Variants in IL17RE observed in about 807,000 individuals in gnomAD.
The protein encoded by IL17RE is interleukin-17 receptor E.
In IL17RE, 47 loss-of-function variants were observed where a neutral mutation model predicts 70.7. The observed-to-expected ratio is 0.67, with a 90% CI of 0.53 to 0.85. The LOEUF is 0.85. IL17RE is among the 40% of genes least tolerant of loss of function. The pLI is 0.00. For synonymous variants in IL17RE, 372 were observed against 381.2 expected (o/e 0.98, Z 0.28); for missense variants, 850 against 893.9 (o/e 0.95, Z 0.63).
In IL17RE at chr3:9,902,903, G is replaced by A. The variant is rs778821433; in HGVS notation, c.-30G>A. The stretch of plus-strand genomic sequence containing the variant: ...ACCCACCTTCAGGCCATGCAGCCAT[G>A]TTCCGGGAGCCCTAATTGCACAGAA... On this transcript the variant is annotated 5_prime_UTR_variant, in exon 1 of 16. It removes an upstream start codon present in the reference 5' UTR. Transcript: ENST00000383814. The A allele has an allele frequency of 6.2e-7, 1 of 1,614,206 alleles. No individual in the cohort carries two copies. The highest frequency in any genetic ancestry group is 1.1e-5 in the South Asian group (1 of 91,086).
In IL17RE at chr3:9,906,436, G is replaced by T; in HGVS notation, c.341G>T (p.Arg114Ile). 6.2e-7 allele frequency: 1 copy of T among 1,613,544 alleles called. No individual in the cohort carries two copies. Among genetic ancestry groups the T allele is most frequent in the South Asian group, 1.1e-5 (1 of 91,050 alleles). Residue 114 changes from arginine to isoleucine, a missense_variant, in exon 4 of 16, where the codon AGA (arginine) becomes ATA (isoleucine). Coordinates refer to ENST00000383814, the MANE Select transcript of IL17RE (RefSeq NM_153480.2). ...KKSSTFKFYR[R>I]HKMPAPAQRK... is the part of the protein sequence containing the mutation. The stretch of plus-strand genomic sequence containing the variant: ...TCTTCCACATTCAAGTTCTATAGGA[G>T]ACACAAGATGCCAGCACCTGCTCAG...
chr3:9,914,320 G>A, intron 13 of IL17RE: 1 of 1,199,696 alleles, frequency 8.3e-7, no homozygotes, highest in Non-Finnish European at 1.1e-6. Flanking sequence ...CCTCACAGCA[G>A]CCCTGGTCAA....
chr3:9,913,963 G>A lies in IL17RE; in HGVS notation c.1235G>A (p.Gly412Asp), dbSNP rs144171626. ...PPVYTVSQAR[G>D]SSPVSLDLII... ...TGCTCTTTGTTTCTACAGGCCCGGGGCTCAAGCCCAGTGTCACTAGACCTC... is the reference window on the plus strand; with the variant it reads ...TGCTCTTTGTTTCTACAGGCCCGGGACTCAAGCCCAGTGTCACTAGACCTC... The change falls in exon 13 of 16, where the codon GGC becomes GAC. Residue 412 changes from glycine to aspartate, a missense_variant. By Grantham distance (94) the Gly-to-Asp change is moderately conservative. Transcript: ENST00000383814. 9.9e-5 allele frequency: 160 copies of A among 1,614,000 alleles called. No individual in the cohort carries two copies. In the African/African-American group the frequency reaches 1.7e-3, roughly 17 times the overall value.
chr3:9,904,365 T>G (rs1156410955), intron 3 of IL17RE, among the ~76,000 whole-genome samples: 1 of 152,210 alleles, frequency 6.6e-6, no homozygotes, highest in African/African-American at 2.4e-5. Context: ...ATTCTTGGAA[T>G]TAAAAGCTAT....
intron 12 of IL17RE, among the ~76,000 whole-genome samples, chr3:9,913,749 T>C (rs2082946841): frequency 6.6e-6 from 1 of 152,200 alleles, no homozygotes; most frequent in Non-Finnish European, 1.5e-5. Context: ...TGTTGACAAA[T>C]ACCTGACTGC....
At chr3:9,914,324 TG>T in intron 13 of IL17RE, 1 of 1,236,666 alleles carries the variant, frequency 8.1e-7, no homozygotes, top group Non-Finnish European at 1.1e-6. Flanking sequence ...ACAGCAGCCC[TG>T]GTCAACTTTG....
intron 3 of IL17RE, among the ~76,000 whole-genome samples, chr3:9,905,546 C>T (rs1014856339): frequency 1.3e-5 from 2 of 151,964 alleles, no homozygotes; most frequent in Non-Finnish European, 2.9e-5. Flanking sequence ...CAGGGACTGG[C>T]GTGGTGGCTC....
intron 2 of IL17RE, 120 bp from the exon 3 acceptor site, chr3:9,903,912 C>G (rs1033710489): frequency 1.6e-6 from 2 of 1,256,320 alleles, no homozygotes; most frequent in African/African-American, 3.0e-5. Flanking sequence ...TAGACAGGTC[C>G]TGTAACCCCC....
intron 6 of IL17RE, 115 bp downstream of exon 6, chr3:9,907,215 C>A (rs2082780671): frequency 7.5e-7 from 1 of 1,330,640 alleles, no homozygotes; most frequent in Non-Finnish European, 1.0e-6. Context: ...CTGTCCAAGA[C>A]CTCCTTACAA....
Position 9,914,752 on chromosome 3 carries a change from C to T in IL17RE, c.1422C>T (p.Ala474=), listed in dbSNP as rs866282561. ...TCACCCTACTGGGTGTTGTTCTGGCCCTCACCTGCCGGCGCCCACAGTCAG... is the reference window on the plus strand; with the variant it reads ...TCACCCTACTGGGTGTTGTTCTGGCTCTCACCTGCCGGCGCCCACAGTCAG... ...ALLTLLGVVL[A]LTCRRPQSGP... The change falls in exon 15 of 16, where the codon GCC becomes GCT. Residue 474 remains alanine, a synonymous_variant. Transcript: ENST00000383814. 1.2e-6 allele frequency: 2 copies of T among 1,613,788 alleles called. No homozygotes were observed. Among genetic ancestry groups the T allele is most frequent in the Non-Finnish European group, 1.7e-6 (2 of 1,179,990 alleles).
rs1398192625 is a variant in IL17RE, at chr3:9,911,173, A to G, written c.1025A>G (p.Lys342Arg). The change falls in exon 10 of 16, where the codon AAG (lysine) becomes AGG (arginine). Residue 342 changes from lysine (K) to arginine (R), a missense_variant and splice_region_variant. By Grantham distance (26) the Lys-to-Arg change is conservative. Transcript: ENST00000383814. The stretch of plus-strand genomic sequence containing the variant: ...GACCTGCACCCCCAGCTCTGCTTCA[A>G]GGTACAACCATGGGTAAGAAAAGAT... ...KVDLHPQLCF[K>R]FSFGNSSHVE... The G allele has an allele frequency of 6.2e-7, 1 of 1,614,230 alleles. No homozygotes were observed. Among genetic ancestry groups the G allele is most frequent in the Non-Finnish European group, 8.5e-7 (1 of 1,180,040 alleles).
chr3:9,908,213 G>A (rs2082804775), intron 6 of IL17RE, 26 bp from the exon 7 acceptor site: 1 of 1,606,000 alleles, frequency 6.2e-7, no homozygotes, highest in Non-Finnish European at 8.5e-7. Context: ...GGCATCTTTT[G>A]TCTTCCTTTG....
chr3:9,906,903 G>C (rs768399482), intron 5 of IL17RE, 38 bp downstream of exon 5: 36 of 1,614,058 alleles, frequency 2.2e-5, no homozygotes, highest in Non-Finnish European at 3.1e-5. Flanking sequence ...GTTCAGCTGA[G>C]TGGTGGTACC....
chr3:9,903,375 C>G, intron 1 of IL17RE, 22 bp from the exon 2 acceptor site: 5 of 1,613,784 alleles, frequency 3.1e-6, no homozygotes, highest in Non-Finnish European at 4.2e-6. Flanking sequence ...CTTTCTTTTC[C>G]CTACTGGGCC....
At chr3:9,910,178 C>A in intron 8 of IL17RE, 1 of 152,122 alleles carries the variant, frequency 6.6e-6, no homozygotes, top group Non-Finnish European at 1.5e-5. Context: ...CCAGCCTGGC[C>A]AACATGGTGA....
At chr3:9,906,568 G>A in intron 4 of IL17RE, 107 bp downstream of exon 4, 1 of 1,331,372 alleles carries the variant, frequency 7.5e-7, no homozygotes, top group South Asian at 1.2e-5. Context: ...TGGAGATGAA[G>A]TATTCTGTCT....
Position 9,915,279 on chromosome 3 carries a change from C to G in IL17RE, c.1476C>G (p.Leu492=), listed in dbSNP as rs572015498. The G allele has an allele frequency of 2.4e-5, 34 of 1,409,592 alleles. No individual in the cohort carries two copies. The African/African-American group carries it at 4.8e-4, about 20-fold the overall frequency. 87.3% of individuals were successfully genotyped at this position (1,409,592 alleles called of 1,614,324 possible). The change falls in exon 16 of 16, where the codon CTC becomes CTG. Residue 492 remains leucine, a synonymous_variant. Transcript: ENST00000383814. This position sits in a 1 kb window ranked among gnomAD's most constrained non-coding sequence, Gnocchi z 4.9. ...CGGGCCCAGCGCGGCCAGTGCTCCT[C>G]CTGCACGCGGCGGACTCGGAGGCGC... ...SGPGPARPVL[L]LHAADSEAQR...
intron 1 of IL17RE, 48 bp from the exon 2 acceptor site, chr3:9,903,349 T>C (rs2082680317): frequency 1.2e-6 from 2 of 1,608,368 alleles, no homozygotes; most frequent in Non-Finnish European, 1.7e-6. Context: ...GAGTCTCTCC[T>C]AATAATAGCT....
chr3:9,902,115 T>C (rs2082656921), upstream of IL17RE, among the ~76,000 whole-genome samples: 1 of 151,450 alleles, frequency 6.6e-6, no homozygotes, highest in Non-Finnish European at 1.5e-5. Flanking sequence ...TGTGGGATGA[T>C]GGGGAGGGTT....
Sources: gnomAD v4.1 joint callset for allele counts (sites outside exome capture counted in the v4.1 genomes callset) on GRCh38, gnomAD v4.1.1 for gene constraint, Gnocchi (gnomAD v3.1) non-coding constraint, MANE v1.5 for transcripts, NCBI Gene and HGNC (gene_info 2026-07-23, HGNC 2026-07-21) for gene names.